The following ZNF529 variants were observed in gnomAD, a reference collection of about 807,000 sequenced individuals.
The protein encoded by ZNF529 is zinc finger protein 529.
In ZNF529, 11 loss-of-function variants were observed where a neutral mutation model predicts 10.1. The ratio of observed to expected loss-of-function variants is 1.09; its 90% confidence interval spans 0.69 to 1.81. ZNF529 has a LOEUF of 1.81. Ranked by LOEUF, ZNF529 falls within the 40% of genes most tolerant of loss-of-function variation. The pLI is 0.00. For synonymous variants in ZNF529, 204 were observed against 215.7 expected (o/e 0.95, Z 0.47); for missense variants, 624 against 666.8 (o/e 0.94, Z 0.71).
chr19:36,596,694 T>G (rs1305725094), intron 1 of ZNF529, among the ~76,000 whole-genome samples: 1 of 151,624 alleles, frequency 6.6e-6, no homozygotes, highest in Non-Finnish European at 1.5e-5. Flanking sequence ...TTTTTTTAAA[T>G]TTTTAGTAAA....
chr19:36,576,865 GT>G (rs1364268378), upstream of ZNF529, among the ~76,000 whole-genome samples: 1 of 151,758 alleles, frequency 6.6e-6, no homozygotes, highest in Non-Finnish European at 1.5e-5. Context: ...TGATGTCTAT[GT>G]AGTGAGTACT....
intron 2 of ZNF529, among the ~76,000 whole-genome samples, chr19:36,589,397 T>G (rs2036655195): frequency 6.6e-6 from 1 of 152,222 alleles, no homozygotes; most frequent in South Asian, 2.1e-4. Context: ...GCTGCAGAAC[T>G]GATTGCTTGC....
intron 1 of ZNF529, among the ~76,000 whole-genome samples, chr19:36,595,705 C>CA (rs891198281): frequency 4.0e-5 from 6 of 151,866 alleles, no homozygotes; most frequent in Non-Finnish European, 7.4e-5. Flanking sequence ...TCTCAAAAAA[C>CA]AAAAAACAAA....
intron 1 of ZNF529, among the ~76,000 whole-genome samples, chr19:36,600,712 T>C (rs1199540130): frequency 2.0e-5 from 3 of 152,136 alleles, no homozygotes; most frequent in African/African-American, 7.2e-5. Flanking sequence ...ATGAATAAAA[T>C]AAACATACAA....
intron 1 of ZNF529, among the ~76,000 whole-genome samples, chr19:36,592,381 C>T (rs887855371): frequency 6.7e-6 from 1 of 150,120 alleles, no homozygotes; most frequent in Admixed American, 6.6e-5. Flanking sequence ...ACTGCCTGAG[C>T]TCCGGAGTTC....
intron 1 of ZNF529, among the ~76,000 whole-genome samples, chr19:36,602,429 G>A (rs1600379162): frequency 6.9e-6 from 1 of 144,566 alleles, no homozygotes. Flanking sequence ...CACATGTCAT[G>A]AAATATTACT....
chr19:36,550,352 G>C (rs1335338487), intron 4 of ZNF529, among the ~76,000 whole-genome samples: 2 of 152,124 alleles, frequency 1.3e-5, no homozygotes, highest in Non-Finnish European at 2.9e-5. Context: ...AGAACAGCCT[G>C]GCCAACATGG....
intron 2 of ZNF529, chr19:36,581,390 G>A (rs1019953117): frequency 1.3e-5 from 2 of 152,182 alleles, no homozygotes; most frequent in Admixed American, 6.5e-5. Flanking sequence ...GCAGAGTTGA[G>A]AGGAATGTTA....
upstream of ZNF529, among the ~76,000 whole-genome samples, chr19:36,573,784 T>A (rs1474036967): frequency 3.9e-5 from 6 of 152,150 alleles, no homozygotes; most frequent in Non-Finnish European, 5.9e-5. Context: ...TGGGAAGGCC[T>A]GAAGCGGGTA....
chr19:36,586,298 C>G (rs1159290562), intron 2 of ZNF529, among the ~76,000 whole-genome samples: 1 of 152,134 alleles, frequency 6.6e-6, no homozygotes, highest in Admixed American at 6.5e-5. Context: ...AGACACCACT[C>G]TGTGTCATAA....
upstream of ZNF529, chr19:36,573,575 G>A: frequency 6.7e-6 from 3 of 448,528 alleles, no homozygotes; most frequent in African/African-American, 2.0e-5. Flanking sequence ...ACAGAATGGG[G>A]AACAGGAAGC....
intron 4 of ZNF529, 113 bp downstream of exon 4, chr19:36,554,557 G>A (rs978568432): frequency 3.3e-6 from 3 of 913,836 alleles, no homozygotes; most frequent in Non-Finnish European, 4.4e-6. Context: ...CAACCTGGGT[G>A]ACAGAGTGAG....
intron 2 of ZNF529, among the ~76,000 whole-genome samples, chr19:36,583,795 C>T (rs766223705): frequency 6.6e-6 from 1 of 151,718 alleles, no homozygotes; most frequent in African/African-American, 2.4e-5. Flanking sequence ...ATAACAAGCA[C>T]AGCTCAAAAT....
rs775290083 is a variant in ZNF529, at chr19:36,547,676, A to G, written c.882T>C (p.His294=). The G allele has an allele frequency of 3.9e-5, 63 of 1,613,912 alleles. No homozygotes were observed. Among genetic ancestry groups the G allele is most frequent in the Non-Finnish European group, 5.3e-5 (63 of 1,179,842 alleles). The part of the protein sequence containing the change: ...CSFCGKSFRV[H]AQLTRHQKIH... Reference sequence around the variant, plus strand: ...TTTTCTGATGTCGAGTAAGTTGTGCATGCACTCTAAAGGATTTCCCACAGA... The same window carrying G: ...TTTTCTGATGTCGAGTAAGTTGTGCGTGCACTCTAAAGGATTTCCCACAGA... The change falls in exon 5 of 5, where the codon CAT becomes CAC. Residue 294 remains histidine, a synonymous_variant. Coordinates refer to ENST00000591340, the MANE Select transcript of ZNF529 (RefSeq NM_020951.5).
At chr19:36,596,839 G>C (rs1439580284) in intron 1 of ZNF529, among the ~76,000 whole-genome samples, 1 of 151,790 alleles carries the variant, frequency 6.6e-6, no homozygotes, top group Non-Finnish European at 1.5e-5. Context: ...ACTTTTCTAT[G>C]TCATTATACT....
intron 2 of ZNF529, among the ~76,000 whole-genome samples, chr19:36,587,006 G>A (rs150428011): frequency 0.011 from 1,642 of 152,074 alleles, 13 homozygotes; most frequent in Middle Eastern, 0.024. Context: ...GGCTCACGCC[G>A]GTAATCCCAA....
upstream of ZNF529, among the ~76,000 whole-genome samples, chr19:36,576,557 A>G (rs1568608267): frequency 6.6e-6 from 1 of 151,968 alleles, no homozygotes; most frequent in Non-Finnish European, 1.5e-5. Context: ...TCTCTACTAA[A>G]AATACAAAAA....
chr19:36,555,757 A>C (rs1600263416), intron 3 of ZNF529, among the ~76,000 whole-genome samples: 1 of 152,194 alleles, frequency 6.6e-6, no homozygotes, highest in African/African-American at 2.4e-5. Flanking sequence ...GCCATTCAAC[A>C]TCAAATCAAT....
upstream of ZNF529, chr19:36,573,407 G>A (rs752084268): frequency 4.7e-5 from 22 of 467,720 alleles, no homozygotes; most frequent in Admixed American, 3.1e-4. Flanking sequence ...TGGCCGCAGG[G>A]GCCGCACCAC....
Sources: gnomAD v4.1 joint callset for allele counts (sites outside exome capture counted in the v4.1 genomes callset) on GRCh38, gnomAD v4.1.1 for gene constraint, MANE v1.5 for transcripts, NCBI Gene and HGNC (gene_info 2026-07-23, HGNC 2026-07-21) for gene names.